The following AGTR1 variants were observed in gnomAD, a reference collection of about 807,000 sequenced individuals.
AGTR1 encodes the protein angiotensin II receptor type 1, also known as type-1 angiotensin II receptor.
Under a neutral mutation model 19.4 loss-of-function variants are expected in AGTR1, and 16 were observed. The ratio of observed to expected loss-of-function variants is 0.82; its 90% CI spans 0.56 to 1.25. The LOEUF (loss-of-function observed/expected upper bound fraction) is 1.25. Among genes scored for constraint, AGTR1 ranks in the 50% most tolerant of loss-of-function variants. The pLI, the probability that AGTR1 is intolerant of heterozygous loss-of-function variation, is 0.00. For synonymous variants in AGTR1, 153 were observed against 154.9 expected (o/e 0.99, Z 0.09); for missense variants, 373 against 431.9 (o/e 0.86, Z 1.21).
intron 2 of AGTR1, among the ~76,000 whole-genome samples, chr3:148,711,141 T>C (rs1712958560): frequency 6.6e-6 from 1 of 152,124 alleles, no homozygotes; most frequent in Non-Finnish European, 1.5e-5. Context: ...AGTTTTTCAT[T>C]TTTCATCAAT....
chr3:148,727,978 C>G (rs1714049910), intron 2 of AGTR1, among the ~76,000 whole-genome samples: 1 of 152,104 alleles, frequency 6.6e-6, no homozygotes, highest in South Asian at 2.1e-4. Flanking sequence ...AGCAGTATCA[C>G]TTGTCTGCCT....
intron 1 of AGTR1, among the ~76,000 whole-genome samples, chr3:148,705,024 A>G (rs761818726): frequency 2.4e-4 from 37 of 152,186 alleles, no homozygotes; most frequent in Non-Finnish European, 5.0e-4. Context: ...AAGGAGAAAT[A>G]CCCAAAAGAT....
chr3:148,738,337 G>A (rs1031205376), intron 2 of AGTR1, among the ~76,000 whole-genome samples: 3 of 151,636 alleles, frequency 2.0e-5, no homozygotes, highest in Non-Finnish European at 2.9e-5. Flanking sequence ...TTCAACCTTC[G>A]AGGTTCCTTA....
intron 2 of AGTR1, among the ~76,000 whole-genome samples, chr3:148,732,997 C>T (rs1483814024): frequency 6.6e-6 from 1 of 151,916 alleles, no homozygotes; most frequent in Non-Finnish European, 1.5e-5. Flanking sequence ...GCCTCGGCCT[C>T]CCAAAGTGCT....
chr3:148,739,499 G>T (rs1288879097), intron 2 of AGTR1, among the ~76,000 whole-genome samples: 4 of 152,134 alleles, frequency 2.6e-5, no homozygotes, highest in Admixed American at 2.6e-4. Context: ...AGTCAAAGAA[G>T]AAAAGGATGT....
intron 2 of AGTR1, chr3:148,730,297 T>A (rs550710476): frequency 2.7e-4 from 106 of 397,920 alleles, no homozygotes; most frequent in African/African-American, 1.6e-3. Flanking sequence ...TCCCACTGTC[T>A]TAACTCTGGT....
chr3:148,698,561 G>T (rs1473563280), intron 1 of AGTR1, among the ~76,000 whole-genome samples: 2 of 152,120 alleles, frequency 1.3e-5, no homozygotes, highest in Admixed American at 1.3e-4. Context: ...AGTTAAGAGT[G>T]TCTCCATCCA....
At chr3:148,735,270 A>G (rs1215861233) in intron 2 of AGTR1, among the ~76,000 whole-genome samples, 2 of 152,228 alleles carry the variant, frequency 1.3e-5, no homozygotes, top group Admixed American at 6.5e-5. Flanking sequence ...TACTGCAAAT[A>G]TATAGTATCT....
At chr3:148,726,955 A>G (rs1011638852) in intron 2 of AGTR1, among the ~76,000 whole-genome samples, 1 of 152,222 alleles carries the variant, frequency 6.6e-6, no homozygotes, top group African/African-American at 2.4e-5. Flanking sequence ...GGTCTTTCAA[A>G]CTTTATGATG....
At chr3:148,720,823 G>C (rs541754807) in intron 2 of AGTR1, among the ~76,000 whole-genome samples, 1 of 152,212 alleles carries the variant, frequency 6.6e-6, no homozygotes, top group African/African-American at 2.4e-5. Context: ...ATAACTAAGT[G>C]AATTCCATAT....
chr3:148,705,193 G>GA (rs1164227834), intron 1 of AGTR1, among the ~76,000 whole-genome samples: 4 of 152,010 alleles, frequency 2.6e-5, no homozygotes, highest in South Asian at 4.1e-4. Flanking sequence ...TTAACAGTTG[G>GA]AAAAAATCTC....
intron 2 of AGTR1, among the ~76,000 whole-genome samples, chr3:148,719,840 G>A (rs12721270): frequency 6.8e-4 from 104 of 152,184 alleles, no homozygotes; most frequent in African/African-American, 2.0e-3. Flanking sequence ...GCAGCAAGCC[G>A]GTTCTATGAC....
chr3:148,733,662 A>G lies in AGTR1; in HGVS notation c.-47-7327A>G, dbSNP rs143679860. Among the ~76,000 whole-genome samples, 38 of 152,330 alleles carry G rather than the reference A, an allele frequency of 2.5e-4. 1 individual carries two copies. The highest frequency in any genetic ancestry group is 1.2e-3 in the Admixed American group (18 of 15,310). ...CTTGTGAGTAGTCTCCAAGAGCCAT[A>G]TTATTAAAAATGATGTTTCCTCCCC... On this transcript the variant is annotated intron_variant, in intron 2 of 2. Transcript: ENST00000349243.
chr3:148,699,044 CTCTT>C (rs1323286058), intron 1 of AGTR1, among the ~76,000 whole-genome samples: 2 of 151,986 alleles, frequency 1.3e-5, no homozygotes, highest in East Asian at 3.9e-4. Context: ...TGGGCCTCTT[CTCTT>C]TGTTTGCTGA....
rs190385666 is a variant in AGTR1, at chr3:148,706,533, A to G, written c.-131-1411A>G. Among the ~76,000 whole-genome samples the G allele has an allele frequency of 3.1e-3, 478 of 152,164 alleles. 4 individuals carry two copies. Among genetic ancestry groups the G allele is most frequent in the South Asian group, 0.012 (59 of 4,830 alleles). On this transcript the variant is annotated intron_variant, in intron 1 of 2. Transcript: ENST00000349243. The stretch of plus-strand genomic sequence containing the variant: ...TTTGACTACATAAAAATAAATGCTT[A>G]TACAGTAAAAAGTACCATAAACAAA...
chr3:148,735,855 C>T (rs1393975352), intron 2 of AGTR1, among the ~76,000 whole-genome samples: 1 of 152,160 alleles, frequency 6.6e-6, no homozygotes, highest in African/African-American at 2.4e-5. Context: ...GTTTATTGAA[C>T]AGGATGGTTT....
At chr3:148,711,507 C>T (rs1360099063) in intron 2 of AGTR1, among the ~76,000 whole-genome samples, 1 of 151,890 alleles carries the variant, frequency 6.6e-6, no homozygotes, top group Admixed American at 6.6e-5. Flanking sequence ...ATCGCAGAAT[C>T]TTACTAACAG....
rs12721226 is a variant in AGTR1 at position 148,741,522 on chromosome 3, G to A, written c.487G>A (p.Ala163Thr). Residue 163 changes from alanine to threonine, a missense_variant, in exon 3 of 3, where the codon GCT becomes ACT. Physicochemically the swap from Ala to Thr is moderately conservative, Grantham distance 58. Coordinates refer to ENST00000349243, the MANE Select transcript of AGTR1 (RefSeq NM_000685.5). ...GCTGGCAGGCTTGGCCAGTTTGCCA[G>A]CTATAATCCATCGAAATGTATTTTT... ...WLLAGLASLP[A>T]IIHRNVFFIE... The A allele has an allele frequency of 3.0e-4, 477 of 1,614,084 alleles. 6 individuals carry two copies. The South Asian group carries it at 3.9e-3, about 13-fold the overall frequency.
chr3:148,719,636 G>A (rs1219199585), intron 2 of AGTR1, among the ~76,000 whole-genome samples: 1 of 152,158 alleles, frequency 6.6e-6, no homozygotes, highest in Non-Finnish European at 1.5e-5. Flanking sequence ...GCGATTGGAT[G>A]GCTTTTTAGT....
Sources: gnomAD v4.1 joint callset for allele counts (sites outside exome capture counted in the v4.1 genomes callset) on GRCh38, gnomAD v4.1.1 for gene constraint, MANE v1.5 for transcripts, NCBI Gene and HGNC (gene_info 2026-07-23, HGNC 2026-07-21) for gene names.